TNRC18: variants seen among roughly 807,000 people sequenced by gnomAD.
TNRC18 encodes the protein trinucleotide repeat-containing gene 18 protein.
TNRC18 carries 69 observed loss-of-function variants against 226.7 expected under a neutral mutation model. The ratio of observed to expected loss-of-function variants is 0.30; its 90% confidence interval spans 0.25 to 0.37. TNRC18 has a LOEUF of 0.37. Among genes scored for constraint, TNRC18 ranks in the 10% least tolerant of loss-of-function variants. The pLI is 1.00. For missense variants in TNRC18, 4,754 were observed against 4,256.6 expected (o/e 1.12, Z -3.25); for synonymous variants, 2,449 against 1,927.6 (o/e 1.27, Z -7.09).
intron 5 of TNRC18, among the ~76,000 whole-genome samples, chr7:5,382,661 C>A (rs1319439494): frequency 1.3e-5 from 2 of 152,160 alleles, no homozygotes; most frequent in Non-Finnish European, 2.9e-5. Context: ...GGGGACATCC[C>A]CACAGCCCCT....
intron 11 of TNRC18, among the ~76,000 whole-genome samples, chr7:5,368,457 G>GA: frequency 6.6e-6 from 1 of 152,198 alleles, no homozygotes; most frequent in East Asian, 1.9e-4. Context: ...GAGGTCAGGA[G>GA]TACGAGACCA....
In TNRC18 at chr7:5,377,410, A is replaced by T. The variant is rs200303210; in HGVS notation, c.2422T>A (p.Ser808Thr). The change falls in exon 7 of 30, where the codon TCG becomes ACG. Residue 808 changes from serine (S) to threonine (T), a missense_variant. Ser to Thr is a moderately conservative substitution (Grantham distance 58). Transcript: ENST00000430969. The surrounding 1 kb of genome is among the most constrained non-coding windows in gnomAD (Gnocchi z 5.8). The part of the protein sequence containing the change: ...HLATHPWLPR[S>T]GNASMWLAGH... The stretch of plus-strand genomic sequence containing the variant: ...GCGAGCCACATGGATGCGTTGCCCG[A>T]GCGGGGCAACCAGGGGTGCGTGGCC... The T allele has an allele frequency of 1.5e-4, 227 of 1,557,078 alleles. No individual in the cohort carries two copies. Among genetic ancestry groups the T allele is most frequent in the Admixed American group, 1.9e-4 (11 of 56,558 alleles).
intron 19 of TNRC18, among the ~76,000 whole-genome samples, chr7:5,328,563 C>CA (rs1789182263): frequency 6.6e-6 from 1 of 151,250 alleles, no homozygotes; most frequent in Admixed American, 6.6e-5. Context: ...GGCTGGAGTG[C>CA]AGTGGCACAA....
At position 5,356,902 on chromosome 7, in the gene TNRC18, C is replaced by T. The variant is rs1270056636; in HGVS notation, c.5194+14G>A. 6.6e-7 allele frequency: 1 copy of T among 1,521,248 alleles called. No homozygotes were observed. Among genetic ancestry groups the T allele is most frequent in the East Asian group, 2.5e-5 (1 of 40,636 alleles). 94.2% of individuals were successfully genotyped at this position (1,521,248 alleles called of 1,614,324 possible). On this transcript the variant is annotated intron_variant, in intron 16 of 29. Transcript: ENST00000430969. Reference sequence around the variant, plus strand: ...AAGCAGCGGACCAGAGGTGGCGCGGCATACGCTACTTACTGTAAGAGTAGC... The same window carrying T: ...AAGCAGCGGACCAGAGGTGGCGCGGTATACGCTACTTACTGTAAGAGTAGC...
At chr7:5,365,399 C>T (rs1487472787) in intron 11 of TNRC18, among the ~76,000 whole-genome samples, 2 of 152,228 alleles carry the variant, frequency 1.3e-5, no homozygotes, top group Non-Finnish European at 2.9e-5. Context: ...AGGCGTGAGC[C>T]ACCGTGTCCG....
At chr7:5,383,530 C>T (rs1232443381) in intron 5 of TNRC18, among the ~76,000 whole-genome samples, 1 of 152,238 alleles carries the variant, frequency 6.6e-6, no homozygotes, top group Non-Finnish European at 1.5e-5. Flanking sequence ...TACGTAGCTA[C>T]AAAGGGCAGA....
At position 5,370,377 on chromosome 7, in the gene TNRC18, C is replaced by A; in HGVS notation, c.4217G>T (p.Gly1406Val). 1 of 1,543,774 alleles carries A rather than the reference C, an allele frequency of 6.5e-7. No individual in the cohort carries two copies. Among genetic ancestry groups the A allele is most frequent in the Non-Finnish European group, 8.7e-7 (1 of 1,143,750 alleles). Residue 1406 changes from glycine (G) to valine (V), a missense_variant and splice_region_variant, in exon 11 of 30, where the codon GGA becomes GTA. Physicochemically the swap from Gly to Val is moderately radical, Grantham distance 109. Transcript: ENST00000430969. ...LELERRSQEM[G>V]GAERALVARP... Reference sequence around the variant, plus strand: ...ACTCAGAGGTCGCGCACTCTCACCTCCCATCTCTTGGCTCCTCCTCTCCAG... The same window carrying A: ...ACTCAGAGGTCGCGCACTCTCACCTACCATCTCTTGGCTCCTCCTCTCCAG...
In TNRC18 at chr7:5,377,340, G is replaced by GA; in HGVS notation, c.2461+30dup. 1 of 1,043,710 alleles carries GA rather than the reference G, an allele frequency of 9.6e-7. No individual in the cohort carries two copies. Among genetic ancestry groups the GA allele is most frequent in the Non-Finnish European group, 1.4e-6 (1 of 739,226 alleles). 64.7% of individuals were successfully genotyped at this position (1,043,710 alleles called of 1,614,324 possible). On this transcript the variant is annotated intron_variant, in intron 7 of 29. Coordinates refer to ENST00000430969, the MANE Select transcript of TNRC18 (RefSeq NM_001080495.3). The surrounding 1 kb of genome is among the most constrained non-coding windows in gnomAD (Gnocchi z 5.8). ...CGCCCCCTCCCACCCCTCCCTCAGA[G>GA]AAGGGGAGAGACCCTGTGCCCCACA...
rs530594573 is a variant in TNRC18, at chr7:5,313,183, T to G, written c.7708A>C (p.Ser2570Arg). The G allele has an allele frequency of 6.5e-7, 1 of 1,544,502 alleles. No homozygotes were observed. ...SSSSSSGSSS[S>R]SSSSSSSGSE... ...CCGCTGCTGCTGCTGCTGCTGCTGCTGCTACTGCTGCCACTACTGCTGCTG... is the reference window on the plus strand; with the variant it reads ...CCGCTGCTGCTGCTGCTGCTGCTGCGGCTACTGCTGCCACTACTGCTGCTG... Residue 2570 changes from serine (S) to arginine (R), a missense_variant, in exon 27 of 30, where the codon AGC (serine) becomes CGC (arginine). Ser to Arg is a moderately radical substitution (Grantham distance 110). Transcript: ENST00000430969.
At chr7:5,395,711 G>T (rs1054689693) in intron 2 of TNRC18, among the ~76,000 whole-genome samples, 2 of 152,242 alleles carry the variant, frequency 1.3e-5, no homozygotes, top group Admixed American at 1.3e-4. Flanking sequence ...ATATAATGAG[G>T]CCGAACACGG....
At chr7:5,317,327 C>T (rs1475247349) in intron 24 of TNRC18, among the ~76,000 whole-genome samples, 7 of 152,150 alleles carry the variant, frequency 4.6e-5, no homozygotes, top group Non-Finnish European at 5.9e-5. Context: ...CAGTGGCTCA[C>T]GCCTGTAATC....
rs768602074 is a variant in TNRC18 at position 5,390,599 on chromosome 7, G to A, written c.373C>T (p.Pro125Ser). 3.7e-5 allele frequency: 59 copies of A among 1,604,110 alleles called. 1 individual carries two copies. In the East Asian group the frequency reaches 1.3e-3, roughly 34 times the overall value. ...AGGTGGTTCAGGTGGAGGTAGGATG[G>A]GTACAGCCCACTGGGCAGGTGGGAG... ...GFSHLPSGLYPSYLHLNHLEP... is the reference protein window; with the variant it reads ...GFSHLPSGLYSSYLHLNHLEP... The change falls in exon 4 of 30, where the codon CCA becomes TCA. Residue 125 changes from proline to serine, a missense_variant. By Grantham distance (74) the Pro-to-Ser change is moderately conservative. Transcript: ENST00000430969.
intron 10 of TNRC18, among the ~76,000 whole-genome samples, 171 bp downstream of exon 10, chr7:5,373,884 G>C: frequency 6.6e-6 from 1 of 152,068 alleles, no homozygotes; most frequent in Non-Finnish European, 1.5e-5. Context: ...GGCTGGATTT[G>C]ACTGTGAGCT....
intron 1 of TNRC18, chr7:5,423,204 G>T (rs949609251): frequency 4.6e-5 from 7 of 152,182 alleles, no homozygotes; most frequent in Non-Finnish European, 7.3e-5. Context: ...GGGCCAGGAG[G>T]GCCGGAGCGG....
intron 2 of TNRC18, among the ~76,000 whole-genome samples, chr7:5,408,117 T>C (rs1378987053): frequency 6.6e-6 from 1 of 151,808 alleles, no homozygotes; most frequent in African/African-American, 2.4e-5. Flanking sequence ...CTGGCCAACA[T>C]GGTGAAACGC....
chr7:5,314,075 C>T (rs187835215), intron 26 of TNRC18, among the ~76,000 whole-genome samples: 117 of 152,114 alleles, frequency 7.7e-4, no homozygotes, highest in African/African-American at 2.7e-3. Context: ...CCTCCAGCCT[C>T]AGTCTCCCAA....
rs1336090085 is a variant in TNRC18, at chr7:5,388,506, G to A, written c.1318C>T (p.Pro440Ser). The change falls in exon 5 of 30, where the codon CCC becomes TCC. Residue 440 changes from proline to serine, a missense_variant. By Grantham distance (74) the Pro-to-Ser change is moderately conservative. Transcript: ENST00000430969. ...CGCACCGTGGGGGCATCCGCGGGGG[G>A]CGGCCGCTTGAGCGAGCGGATGACC... ...NSVIRSLKRP[P>S]PADAPTVRAT... The A allele has an allele frequency of 5.3e-6, 7 of 1,332,310 alleles. No individual in the cohort carries two copies. In the African/African-American group the frequency reaches 9.5e-5, roughly 18 times the overall value. 82.5% of individuals were successfully genotyped at this position (1,332,310 alleles called of 1,614,324 possible). A position where few individuals can be genotyped will look rare whatever the true frequency, so the allele number is the denominator to read the frequency against.
intron 2 of TNRC18, among the ~76,000 whole-genome samples, chr7:5,402,916 G>C (rs936727001): frequency 7.2e-5 from 11 of 151,860 alleles, no homozygotes; most frequent in Non-Finnish European, 8.8e-5. Flanking sequence ...CTGGAGGAAG[G>C]GTGCCCAGGC....
At position 5,377,327 on chromosome 7, in the gene TNRC18, C is replaced by CCCCCA; in HGVS notation, c.2461+43_2461+44insTGGGG. 1 of 1,160,800 alleles carries CCCCCA rather than the reference C, an allele frequency of 8.6e-7. No homozygotes were observed. Among genetic ancestry groups the CCCCCA allele is most frequent in the Non-Finnish European group, 1.2e-6 (1 of 822,608 alleles). 71.9% of individuals were successfully genotyped at this position (1,160,800 alleles called of 1,614,324 possible). A position where few individuals can be genotyped will look rare whatever the true frequency, so the allele number is the denominator to read the frequency against. ...CTTGTCCTGCACCCGCCCCCTCCCA[C>CCCCCA]CCCTCCCTCAGAGAAGGGGAGAGAC... On this transcript the variant is annotated intron_variant, in intron 7 of 29. Transcript: ENST00000430969. The surrounding 1 kb of genome is among the most constrained non-coding windows in gnomAD (Gnocchi z 5.8).
Sources: allele counts gnomAD v4.1 joint callset (sites outside exome capture counted in the v4.1 genomes callset), GRCh38; gene constraint gnomAD v4.1.1; non-coding constraint Gnocchi (gnomAD v3.1); transcripts MANE v1.5; gene names NCBI Gene and HGNC (gene_info 2026-07-23, HGNC 2026-07-21).